IMMP1L: variants seen among roughly 807,000 people sequenced by gnomAD.
IMMP1L encodes the protein inner mitochondrial membrane peptidase subunit 1.
In IMMP1L, 24 loss-of-function variants were observed where a neutral mutation model predicts 21.8. That is an observed-to-expected ratio of 1.10 (90% CI 0.80 to 1.55). IMMP1L has a LOEUF of 1.55. Among genes scored for constraint, IMMP1L ranks in the 40% most tolerant of loss-of-function variants. The probability of loss-of-function intolerance (pLI) is 0.00; values close to 1 mark genes in which losing one functional copy is unlikely to be tolerated. For synonymous variants in IMMP1L, 46 were observed against 62.8 expected, an observed-to-expected ratio of 0.73 and a Z score of 1.26; for missense variants, 195 against 200.7, an observed-to-expected ratio of 0.97 and a Z score of 0.17.
intron 1 of IMMP1L, among the ~76,000 whole-genome samples, chr11:31,506,222 A>G (rs1284094394): frequency 6.7e-6 from 1 of 148,464 alleles, no homozygotes; most frequent in Non-Finnish European, 1.5e-5. Flanking sequence ...ACCTAAACAT[A>G]TAACTTTTTT....
chr11:31,490,735 C>T (rs1955227586), intron 1 of IMMP1L, among the ~76,000 whole-genome samples: 2 of 152,066 alleles, frequency 1.3e-5, no homozygotes, highest in Admixed American at 1.3e-4. Flanking sequence ...CCTGCCTCCC[C>T]TACCCAAATT....
chr11:31,491,541 A>C (rs1395072283), intron 1 of IMMP1L, among the ~76,000 whole-genome samples: 1 of 152,240 alleles, frequency 6.6e-6, no homozygotes. Context: ...ATTTCCAAGC[A>C]AAGTGTTAAA....
At chr11:31,459,112 A>C (rs936176323) in intron 3 of IMMP1L, among the ~76,000 whole-genome samples, 6 of 152,224 alleles carry the variant, frequency 3.9e-5, no homozygotes, top group Admixed American at 3.9e-4. Context: ...GTTTTATTTT[A>C]TAATTCCTGT....
At chr11:31,464,972 C>T (rs545793275) in intron 1 of IMMP1L, among the ~76,000 whole-genome samples, 1 of 152,106 alleles carries the variant, frequency 6.6e-6, no homozygotes, top group East Asian at 1.9e-4. Flanking sequence ...AAATAAAGGG[C>T]ATCCAAATTG....
At chr11:31,507,640 G>T (rs1180905016) in intron 1 of IMMP1L, among the ~76,000 whole-genome samples, 1 of 152,188 alleles carries the variant, frequency 6.6e-6, no homozygotes, top group Non-Finnish European at 1.5e-5. Flanking sequence ...GAGTACAATG[G>T]TGTTTACCAG....
intron 1 of IMMP1L, among the ~76,000 whole-genome samples, chr11:31,499,060 ACT>A (rs1955537264): frequency 6.6e-6 from 1 of 151,968 alleles, no homozygotes; most frequent in African/African-American, 2.4e-5. Context: ...ATTTACTGCT[ACT>A]CTCTTCAAAA....
chr11:31,438,159 G>A (rs551525378), intron 4 of IMMP1L, among the ~76,000 whole-genome samples: 13 of 152,038 alleles, frequency 8.6e-5, no homozygotes, highest in Non-Finnish European at 1.9e-4. Flanking sequence ...TGATACTATT[G>A]TATACTCCCA....
chr11:31,452,251 T>A (rs1043986940), intron 4 of IMMP1L: 1 of 984,804 alleles, frequency 1.0e-6, no homozygotes, highest in African/African-American at 1.7e-5. Flanking sequence ...TATTTCAAAA[T>A]GCCTATTTCA....
At chr11:31,473,975 C>T (rs1004362826) in intron 1 of IMMP1L, among the ~76,000 whole-genome samples, 1 of 151,880 alleles carries the variant, frequency 6.6e-6, no homozygotes, top group Admixed American at 6.6e-5. Context: ...TATTTTTGTT[C>T]CGATAGAGGA....
At chr11:31,480,775 AAAT>A (rs1226194753) in intron 1 of IMMP1L, among the ~76,000 whole-genome samples, 3 of 152,050 alleles carry the variant, frequency 2.0e-5, no homozygotes, top group Admixed American at 1.3e-4. Context: ...CACAAAAGCA[AAAT>A]AATAATAATA....
chr11:31,448,074 C>T (rs944429984), intron 4 of IMMP1L, among the ~76,000 whole-genome samples: 4 of 151,966 alleles, frequency 2.6e-5, no homozygotes, highest in South Asian at 4.1e-4. Flanking sequence ...TTTGGGAGGC[C>T]GAAGCAGGCA....
chr11:31,461,500 C>A (rs1046511486), intron 2 of IMMP1L, among the ~76,000 whole-genome samples: 2 of 152,146 alleles, frequency 1.3e-5, no homozygotes, highest in Non-Finnish European at 2.9e-5. Flanking sequence ...AATAAAAAAT[C>A]TGAAGTCTTA....
rs757274950 is a variant in IMMP1L at position 31,433,566 on chromosome 11, G to A, written c.326C>T (p.Pro109Leu). ...ACCTTCTAACCAAACATGACCCATT[G>A]GCACCTAGAATTAGAGAAGAAATGC... is the stretch of plus-strand genomic sequence containing the variant. ...SDFFKSHSYV[P>L]MGHVWLEGDN... Residue 109 changes from proline (P) to leucine (L), a missense_variant, in exon 5 of 6, where the codon CCA becomes CTA. Transcript: ENST00000532287. The A allele has an allele frequency of 6.3e-7, 1 of 1,599,540 alleles. No homozygotes were observed. Among genetic ancestry groups the A allele is most frequent in the Non-Finnish European group, 8.5e-7 (1 of 1,169,712 alleles).
At chr11:31,460,863 G>T in intron 2 of IMMP1L, 149 bp from the exon 3 acceptor site, 1 of 631,390 alleles carries the variant, frequency 1.6e-6, no homozygotes, top group Non-Finnish European at 2.8e-6. Flanking sequence ...TCTCAAGTAA[G>T]TTCAACTCTA....
intron 1 of IMMP1L, among the ~76,000 whole-genome samples, chr11:31,488,912 T>G (rs1193301541): frequency 3.3e-5 from 5 of 151,998 alleles, no homozygotes; most frequent in African/African-American, 1.2e-4. Context: ...TTTATTAATT[T>G]TTGAGGCGGA....
intron 1 of IMMP1L, among the ~76,000 whole-genome samples, chr11:31,498,057 T>C (rs1046057720): frequency 6.6e-6 from 1 of 152,178 alleles, no homozygotes; most frequent in Non-Finnish European, 1.5e-5. Context: ...ATGATGATAA[T>C]CTATTAATTT....
chr11:31,501,805 AT>A (rs1262444662), intron 1 of IMMP1L, among the ~76,000 whole-genome samples: 1 of 146,334 alleles, frequency 6.8e-6, no homozygotes, highest in Admixed American at 6.7e-5. Flanking sequence ...AAATAAATAA[AT>A]AAATAAATAA....
intron 4 of IMMP1L, among the ~76,000 whole-genome samples, chr11:31,437,905 T>C (rs1953181128): frequency 6.6e-6 from 1 of 152,202 alleles, no homozygotes; most frequent in Non-Finnish European, 1.5e-5. Context: ...GATTAATCTA[T>C]GTTGTATGTA....
intron 1 of IMMP1L, among the ~76,000 whole-genome samples, chr11:31,475,306 C>A (rs1225496737): frequency 6.6e-6 from 1 of 152,138 alleles, no homozygotes; most frequent in East Asian, 1.9e-4. Flanking sequence ...ACCAATAATA[C>A]AACTATTAAA....
Sources: gnomAD v4.1 joint callset for allele counts (sites outside exome capture counted in the v4.1 genomes callset) on GRCh38, gnomAD v4.1.1 for gene constraint, MANE v1.5 for transcripts, NCBI Gene and HGNC (gene_info 2026-07-23, HGNC 2026-07-21) for gene names.